C11orf16: variants seen among roughly 807,000 people sequenced by gnomAD.
C11orf16 encodes uncharacterized protein C11orf16.
A neutral mutation model predicts 45.1 loss-of-function variants in C11orf16; 38 were observed. The observed-to-expected ratio is 0.84, with a 90% confidence interval of 0.65 to 1.10. The LOEUF is 1.10. Ranked by LOEUF, C11orf16 falls within the 50% of genes least tolerant of loss-of-function variation. C11orf16 has a pLI of 0.00. For synonymous variants in C11orf16, 221 were observed against 222.0 expected, an observed-to-expected ratio of 1.00 and a Z score of 0.04; for missense variants, 583 against 569.5, an observed-to-expected ratio of 1.02 and a Z score of -0.24.
intron 5 of C11orf16, among the ~76,000 whole-genome samples, chr11:8,925,017 A>G (rs1016284693): frequency 2.0e-5 from 3 of 152,230 alleles, no homozygotes; most frequent in Non-Finnish European, 4.4e-5. Context: ...GGGAACCAGC[A>G]GGAGAGTGGG....
At chr11:8,931,885 A>C (rs1271519200) in intron 2 of C11orf16, among the ~76,000 whole-genome samples, 1 of 152,184 alleles carries the variant, frequency 6.6e-6, no homozygotes, top group African/African-American at 2.4e-5. Context: ...GCTATCCCTA[A>C]CTGCCTTCTC....
intron 5 of C11orf16, among the ~76,000 whole-genome samples, chr11:8,924,689 C>A (rs2134832781): frequency 6.6e-6 from 1 of 152,270 alleles, no homozygotes; most frequent in African/African-American, 2.4e-5. Context: ...CAGTGGTGTT[C>A]CTTCACCTCA....
rs2134827633 is a variant in C11orf16 at position 8,920,365 on chromosome 11, C to G, written c.*108G>C. ...TGGTTATTTGACTGTTACCTGTGGC[C>G]TGTCCTCTGCCTCCTTCCGTTGAAG... is the stretch of plus-strand genomic sequence containing the variant. On this transcript the variant is annotated 3_prime_UTR_variant, in exon 7 of 7. Coordinates refer to ENST00000326053, the MANE Select transcript of C11orf16 (RefSeq NM_020643.3). 1.6e-6 allele frequency: 1 copy of G among 625,944 alleles called. No homozygotes were observed. The highest frequency in any genetic ancestry group is 2.7e-5 in the Admixed American group (1 of 37,120). 38.8% of individuals were successfully genotyped at this position (625,944 alleles called of 1,614,324 possible).
intron 2 of C11orf16, 107 bp from the exon 3 acceptor site, chr11:8,929,640 T>C (rs960682039): frequency 1.9e-6 from 2 of 1,071,594 alleles, no homozygotes; most frequent in Non-Finnish European, 1.3e-6. Context: ...ACATGAGGCA[T>C]GCGGAACAGA....
chr11:8,921,418 T>C lies in C11orf16; in HGVS notation c.1302A>G (p.Lys434=), dbSNP rs1408596260. 1 of 1,614,206 alleles carries C rather than the reference T, an allele frequency of 6.2e-7. No individual in the cohort carries two copies. Among genetic ancestry groups the C allele is most frequent in the Non-Finnish European group, 8.5e-7 (1 of 1,180,028 alleles). Reference sequence around the variant, plus strand: ...TCCGCGGTGGCTTCATGTGGGTTGCTTTCGAGACCAGCTCCTTGGTAGTCC... The same window carrying C: ...TCCGCGGTGGCTTCATGTGGGTTGCCTTCGAGACCAGCTCCTTGGTAGTCC... The part of the protein sequence containing the change: ...VVGTTKELVS[K]ATHMKPPRTP... The change falls in exon 6 of 7, where the codon AAA becomes AAG. Residue 434 remains lysine (K), a synonymous_variant. Transcript: ENST00000326053.
chr11:8,932,247 A>G lies in C11orf16; in HGVS notation c.62T>C (p.Leu21Pro), dbSNP rs1414379274. The change falls in exon 2 of 7, where the codon CTG becomes CCG. Residue 21 changes from leucine (L) to proline (P), a missense_variant. Physicochemically the swap from Leu to Pro is moderately conservative, Grantham distance 98. Coordinates refer to ENST00000326053, the MANE Select transcript of C11orf16 (RefSeq NM_020643.3). Reference sequence around the variant, plus strand: ...AGCACCGTCCCAGCCAGGGGCCTTCAGGCTTGTGGCCACGCTGCAGTATTT... The same window carrying G: ...AGCACCGTCCCAGCCAGGGGCCTTCGGGCTTGTGGCCACGCTGCAGTATTT... ...LLKYCSVATS[L>P]KAPGWDGAAP... 6.2e-7 allele frequency: 1 copy of G among 1,610,910 alleles called. No homozygotes were observed.
intron 5 of C11orf16, among the ~76,000 whole-genome samples, chr11:8,924,780 C>T (rs1214217605): frequency 6.6e-6 from 1 of 152,092 alleles, no homozygotes; most frequent in Non-Finnish European, 1.5e-5. Flanking sequence ...CAGGCCACCT[C>T]CTTCACACAG....
intron 2 of C11orf16, 113 bp from the exon 3 acceptor site, chr11:8,929,646 A>G: frequency 9.8e-7 from 1 of 1,021,718 alleles, no homozygotes; most frequent in Non-Finnish European, 1.4e-6. Flanking sequence ...GGCATGCGGA[A>G]CAGAAATCCA....
chr11:8,929,123 G>A, intron 3 of C11orf16: 2 of 416,018 alleles, frequency 4.8e-6, no homozygotes, highest in East Asian at 4.2e-5. Context: ...GCCAACCCCT[G>A]GACTTCCAGC....
intron 5 of C11orf16, among the ~76,000 whole-genome samples, chr11:8,923,581 A>C (rs1378421635): frequency 6.6e-6 from 1 of 152,020 alleles, no homozygotes; most frequent in African/African-American, 2.4e-5. Flanking sequence ...CCATAACTTC[A>C]TTTCTTTCGA....
In C11orf16 at chr11:8,920,120, CAT is replaced by C; in HGVS notation, c.*351_*352del. 1.3e-5 allele frequency: 4 copies of C among 309,924 alleles called. No individual in the cohort carries two copies. The highest frequency in any genetic ancestry group is 1.8e-5 in the Non-Finnish European group (3 of 170,462). 19.2% of individuals were successfully genotyped at this position (309,924 alleles called of 1,614,324 possible). A position where few individuals can be genotyped will look rare whatever the true frequency, so the allele number is the denominator to read the frequency against. The stretch of plus-strand genomic sequence containing the variant: ...TTAAGAGGTGAAACAAAATGTCACT[CAT>C]GTACAACTAGGCTTTATGGGAAGGT... On this transcript the variant is annotated 3_prime_UTR_variant, in exon 7 of 7. Transcript: ENST00000326053.
chr11:8,929,328 A>T, intron 3 of C11orf16, 49 bp downstream of exon 3: 1 of 1,579,164 alleles, frequency 6.3e-7, no homozygotes, highest in Non-Finnish European at 8.6e-7. Flanking sequence ...AGGTATGACA[A>T]GGCCACCCAG....
intron 5 of C11orf16, among the ~76,000 whole-genome samples, chr11:8,922,319 G>A (rs1411375420): frequency 6.6e-6 from 1 of 152,140 alleles, no homozygotes; most frequent in South Asian, 2.1e-4. Flanking sequence ...GCTGCAGTGA[G>A]CTATGATCGT....
At chr11:8,931,162 G>A (rs897352290) in intron 2 of C11orf16, among the ~76,000 whole-genome samples, 1 of 152,100 alleles carries the variant, frequency 6.6e-6, no homozygotes, top group African/African-American at 2.4e-5. Context: ...AGAGGGACCT[G>A]GAGACCCCAC....
chr11:8,922,676 T>G (rs1018284851), intron 5 of C11orf16, among the ~76,000 whole-genome samples: 4 of 152,212 alleles, frequency 2.6e-5, no homozygotes, highest in African/African-American at 9.7e-5. Context: ...AAATTGAGTG[T>G]CAAGCATCAG....
In C11orf16 at chr11:8,932,197, T is replaced by G. The variant is rs538040764; in HGVS notation, c.112A>C (p.Thr38Pro). Residue 38 changes from threonine (T) to proline (P), a missense_variant, in exon 2 of 7, where the codon ACC becomes CCC. Thr to Pro is a conservative substitution (Grantham distance 38). Coordinates refer to ENST00000326053, the MANE Select transcript of C11orf16 (RefSeq NM_020643.3). ...GGTGCTTGGAGGGCAAAGGGGTAGG[T>G]GAAGGAGAGGTCCCAAGGTGGAGCA... ...GAAPPWDLSF[T>P]YPFALQAPWL... The G allele has an allele frequency of 6.3e-7, 1 of 1,594,730 alleles. No individual in the cohort carries two copies. Among genetic ancestry groups the G allele is most frequent in the Admixed American group, 1.8e-5 (1 of 56,420 alleles).
At chr11:8,924,944 C>T (rs1372693622) in intron 5 of C11orf16, among the ~76,000 whole-genome samples, 1 of 152,224 alleles carries the variant, frequency 6.6e-6, no homozygotes, top group African/African-American at 2.4e-5. Context: ...CACGGCTTCC[C>T]TGTTGGCCAT....
In C11orf16 at chr11:8,921,307, G is replaced by T; in HGVS notation, c.*9C>A. 1 of 1,613,876 alleles carries T rather than the reference G, an allele frequency of 6.2e-7. No individual in the cohort carries two copies. The highest frequency in any genetic ancestry group is 8.5e-7 in the Non-Finnish European group (1 of 1,179,812). ...ATTCTGCTTTACCTAGATCCTCAGG[G>T]CTCTTAGTCTAACGGGAATTCTTGT... On this transcript the variant is annotated 3_prime_UTR_variant, in exon 6 of 7. Coordinates refer to ENST00000326053, the MANE Select transcript of C11orf16 (RefSeq NM_020643.3).
At chr11:8,929,322 A>C in intron 3 of C11orf16, 55 bp downstream of exon 3, 2 of 1,552,768 alleles carry the variant, frequency 1.3e-6, no homozygotes, top group Non-Finnish European at 1.8e-6. Context: ...CATGTCAGGT[A>C]TGACAAGGCC....
Sources: gnomAD v4.1 joint callset for allele counts (sites outside exome capture counted in the v4.1 genomes callset) on GRCh38, gnomAD v4.1.1 for gene constraint, MANE v1.5 for transcripts, NCBI Gene and HGNC (gene_info 2026-07-23, HGNC 2026-07-21) for gene names.